TAF2: variants seen among roughly 807,000 people sequenced by gnomAD.
TAF2 encodes transcription initiation factor TFIID subunit 2.
In TAF2, 61 loss-of-function variants were observed where a neutral mutation model predicts 138.5. The observed-to-expected ratio is 0.44, with a 90% CI of 0.36 to 0.54. The LOEUF (loss-of-function observed/expected upper bound fraction) is 0.54. Among genes scored for constraint, TAF2 ranks in the 20% least tolerant of loss-of-function variants. The pLI is 0.00. For missense variants in TAF2, 1,090 were observed against 1,427.9 expected (o/e 0.76, Z 3.81); for synonymous variants, 475 against 469.9 (o/e 1.01, Z -0.14).
intron 24 of TAF2, among the ~76,000 whole-genome samples, chr8:119,742,959 C>G (rs1341912117): frequency 6.6e-6 from 1 of 151,842 alleles, no homozygotes; most frequent in Non-Finnish European, 1.5e-5. Context: ...GTCCCAGCTA[C>G]TTGGGAGGCT....
intron 21 of TAF2, among the ~76,000 whole-genome samples, chr8:119,756,866 T>C (rs1018956191): frequency 6.6e-6 from 1 of 152,032 alleles, no homozygotes; most frequent in Non-Finnish European, 1.5e-5. Flanking sequence ...ATTAAGAGGC[T>C]AGAAAAAAGA....
intron 5 of TAF2, among the ~76,000 whole-genome samples, chr8:119,803,321 TA>T (rs753429318): frequency 2.0e-5 from 3 of 152,158 alleles, no homozygotes; most frequent in East Asian, 1.9e-4. Context: ...ATAAAGTTTT[TA>T]AAAAAGAAGG....
intron 3 of TAF2, among the ~76,000 whole-genome samples, chr8:119,807,229 C>A (rs1013230978): frequency 6.6e-6 from 1 of 152,090 alleles, no homozygotes; most frequent in Non-Finnish European, 1.5e-5. Flanking sequence ...GCAGGCTCAC[C>A]GTTATATTCA....
intron 18 of TAF2, among the ~76,000 whole-genome samples, chr8:119,763,602 C>T (rs573023051): frequency 2.2e-4 from 34 of 152,008 alleles, no homozygotes; most frequent in African/African-American, 6.8e-4. Context: ...TGGTGGCAGG[C>T]GCCTGTAGTC....
chr8:119,739,962 T>C (rs535222439), intron 25 of TAF2, among the ~76,000 whole-genome samples: 8 of 152,228 alleles, frequency 5.3e-5, no homozygotes, highest in South Asian at 4.1e-4. Context: ...TATAAGAAGA[T>C]GCCTCAGCTT....
At chr8:119,735,326 G>A (rs1819155376) in intron 25 of TAF2, among the ~76,000 whole-genome samples, 1 of 152,108 alleles carries the variant, frequency 6.6e-6, no homozygotes, top group African/African-American at 2.4e-5. Context: ...ATGAATGAAT[G>A]ACTATAACAG....
intron 2 of TAF2, among the ~76,000 whole-genome samples, chr8:119,829,278 C>T (rs1358798712): frequency 5.9e-5 from 9 of 152,120 alleles, no homozygotes; most frequent in Non-Finnish European, 4.4e-5. Context: ...ATTAATTACC[C>T]CAGATTCCTT....
chr8:119,807,854 G>A (rs189001343), intron 3 of TAF2, among the ~76,000 whole-genome samples: 45 of 152,198 alleles, frequency 3.0e-4, no homozygotes, highest in African/African-American at 1.0e-3. Context: ...CCTGGGAGGC[G>A]GAAGTTGCAG....
In TAF2 at chr8:119,801,779, A is replaced by AG; in HGVS notation, c.792+14_792+15insC. 6.2e-7 allele frequency: 1 copy of AG among 1,601,356 alleles called. No homozygotes were observed. Among genetic ancestry groups the AG allele is most frequent in the Non-Finnish European group, 8.6e-7 (1 of 1,168,482 alleles). On this transcript the variant is annotated intron_variant, in intron 6 of 25. Transcript: ENST00000378164. ...AGGGCCAGGAGGAGAGTAAGAGAGG[A>AG]AAGCTCTGACTTACCTCATGCATGT...
chr8:119,799,208 T>C (rs994069899), intron 6 of TAF2, among the ~76,000 whole-genome samples: 4 of 152,160 alleles, frequency 2.6e-5, no homozygotes, highest in Non-Finnish European at 4.4e-5. Flanking sequence ...ATGCGTACAA[T>C]GTGCAGGTTA....
chr8:119,740,392 C>T (rs973436213), intron 25 of TAF2, among the ~76,000 whole-genome samples: 4 of 150,994 alleles, frequency 2.6e-5, no homozygotes, highest in Admixed American at 6.6e-5. Flanking sequence ...TGGTGGCTCA[C>T]GCCTGTGATC....
chr8:119,751,917 G>A (rs1192070679), intron 22 of TAF2, among the ~76,000 whole-genome samples: 1 of 152,084 alleles, frequency 6.6e-6, no homozygotes, highest in Non-Finnish European at 1.5e-5. Context: ...GAAACAACTG[G>A]GGAACTGTGA....
At chr8:119,740,231 T>G (rs937273226) in intron 25 of TAF2, among the ~76,000 whole-genome samples, 1 of 152,138 alleles carries the variant, frequency 6.6e-6, no homozygotes, top group African/African-American at 2.4e-5. Context: ...ATGCCAAAAG[T>G]TGGAGCTCTG....
At chr8:119,786,870 G>C (rs1049870993) in intron 14 of TAF2, among the ~76,000 whole-genome samples, 2 of 152,120 alleles carry the variant, frequency 1.3e-5, no homozygotes, top group African/African-American at 4.8e-5. Context: ...GCAATGAGCT[G>C]AGATCGCGCC....
chr8:119,742,671 A>C lies in TAF2; in HGVS notation c.3215-15T>G. Reference sequence around the variant, plus strand: ...TTTCGAGAGCCCTAAAATGCCAAACAAGAGAAAAAAGAGGGATTTATTTCT... The same window carrying C: ...TTTCGAGAGCCCTAAAATGCCAAACCAGAGAAAAAAGAGGGATTTATTTCT... On this transcript the variant is annotated splice_polypyrimidine_tract_variant and intron_variant, in intron 24 of 25. Transcript: ENST00000378164. 1 of 1,613,368 alleles carries C rather than the reference A, an allele frequency of 6.2e-7. No individual in the cohort carries two copies. The highest frequency in any genetic ancestry group is 8.5e-7 in the Non-Finnish European group (1 of 1,179,626).
At chr8:119,794,257 C>T (rs1302310397) in intron 9 of TAF2, among the ~76,000 whole-genome samples, 4 of 151,822 alleles carry the variant, frequency 2.6e-5, no homozygotes, top group South Asian at 2.1e-4. Flanking sequence ...ATTAGCCGGG[C>T]GTGATGGCGG....
intron 23 of TAF2, among the ~76,000 whole-genome samples, 168 bp downstream of exon 23, chr8:119,746,537 C>T (rs956640085): frequency 6.6e-6 from 1 of 152,098 alleles, no homozygotes; most frequent in Non-Finnish European, 1.5e-5. Flanking sequence ...TTGCCAGTAG[C>T]ATTTTATAAT....
chr8:119,832,706 A>T lies in TAF2; in HGVS notation c.-142T>A. The T allele has an allele frequency of 1.5e-6, 1 of 680,782 alleles. No homozygotes were observed. Among genetic ancestry groups the T allele is most frequent in the Non-Finnish European group, 2.4e-6 (1 of 424,152 alleles). 42.2% of individuals were successfully genotyped at this position (680,782 alleles called of 1,614,324 possible). A position where few individuals can be genotyped will look rare whatever the true frequency, so the allele number is the denominator to read the frequency against. The stretch of plus-strand genomic sequence containing the variant: ...GGCCGGTGCCCAGGTGAGCGACCTG[A>T]CGGGTCGCTGCCCGCCTCAACCTCG... On this transcript the variant is annotated 5_prime_UTR_variant, in exon 1 of 26. Transcript: ENST00000378164.
At chr8:119,825,171 T>A (rs1167595398) in intron 2 of TAF2, among the ~76,000 whole-genome samples, 1 of 152,246 alleles carries the variant, frequency 6.6e-6, no homozygotes, top group East Asian at 1.9e-4. Flanking sequence ...ACCTCTTGCA[T>A]CAGCATGACC....
Sources: allele counts gnomAD v4.1 joint callset (sites outside exome capture counted in the v4.1 genomes callset), GRCh38; gene constraint gnomAD v4.1.1; transcripts MANE v1.5; gene names NCBI Gene and HGNC (gene_info 2026-07-23, HGNC 2026-07-21).